The following PCDHA2 variants were observed in gnomAD, a reference collection of about 807,000 sequenced individuals.
The protein encoded by PCDHA2 is protocadherin alpha-2.
Under a neutral mutation model 66.0 loss-of-function variants are expected in PCDHA2, and 58 were observed. The observed-to-expected ratio is 0.88, with a 90% CI of 0.71 to 1.09. The LOEUF is 1.09. Among genes scored for constraint, PCDHA2 ranks in the 50% least tolerant of loss-of-function variants. PCDHA2 has a pLI of 0.00. For synonymous variants in PCDHA2, 634 were observed against 554.0 expected (o/e 1.14, Z -2.03); for missense variants, 1,267 against 1,242.3 (o/e 1.02, Z -0.30).
intron 1 of PCDHA2, chr5:140,882,780 G>T: frequency 1.2e-6 from 2 of 1,614,160 alleles, no homozygotes; most frequent in Non-Finnish European, 1.7e-6. Context: ...TTGACCTACC[G>T]ACTGGATCCC....
At chr5:140,988,556 C>A (rs574182013) in intron 3 of PCDHA2, among the ~76,000 whole-genome samples, 1 of 152,158 alleles carries the variant, frequency 6.6e-6, no homozygotes, top group South Asian at 2.1e-4. Flanking sequence ...TCTTCATCTT[C>A]TTCTTGGGAA....
At chr5:140,846,406 G>A (rs1191758509) in intron 1 of PCDHA2, among the ~76,000 whole-genome samples, 1 of 111,134 alleles carries the variant, frequency 9.0e-6, no homozygotes, top group Non-Finnish European at 1.7e-5. Flanking sequence ...ACGGAGTCTC[G>A]CTCTATCTCC....
At chr5:140,813,879 G>A (rs1765395294) in intron 1 of PCDHA2, 1 of 152,278 alleles carries the variant, frequency 6.6e-6, no homozygotes, top group South Asian at 2.1e-4. Context: ...CACACTTGTA[G>A]TTCCAGCTAC....
At chr5:140,850,501 T>C (rs2150486644) in intron 1 of PCDHA2, 1 of 1,598,068 alleles carries the variant, frequency 6.3e-7, no homozygotes, top group African/African-American at 1.3e-5. Context: ...CTGGTGTCGC[T>C]GGTGGAGAGC....
At chr5:140,954,864 G>A (rs2095103058) in intron 1 of PCDHA2, among the ~76,000 whole-genome samples, 1 of 152,074 alleles carries the variant, frequency 6.6e-6, no homozygotes, top group Admixed American at 6.5e-5. Context: ...TGTCCTGAAT[G>A]GTATTGCCTA....
chr5:140,818,407 T>C (rs1766349391), intron 1 of PCDHA2, among the ~76,000 whole-genome samples: 1 of 152,252 alleles, frequency 6.6e-6, no homozygotes, highest in African/African-American at 2.4e-5. Context: ...AATTTTATTT[T>C]CCTTTTTAAA....
chr5:140,874,167 T>C lies in PCDHA2; in HGVS notation c.2388+76815T>C, dbSNP rs910574514. On this transcript the variant is annotated intron_variant, in intron 1 of 3. Coordinates refer to ENST00000526136, the MANE Select transcript of PCDHA2 (RefSeq NM_018905.3). ...TGTAGAGCCATTCTTGGTTACTCTTTCCTGGTGTTGTAAAGGTGTCATATT... is the reference window on the plus strand; with the variant it reads ...TGTAGAGCCATTCTTGGTTACTCTTCCCTGGTGTTGTAAAGGTGTCATATT... 4.6e-5 allele frequency among the ~76,000 whole-genome samples: 7 copies of C among 152,340 alleles called. No homozygotes were observed. The East Asian group carries it at 1.2e-3, about 25-fold the overall frequency.
intron 3 of PCDHA2, among the ~76,000 whole-genome samples, chr5:141,006,808 A>T (rs576819521): frequency 1.3e-5 from 2 of 152,322 alleles, no homozygotes; most frequent in East Asian, 3.9e-4. Flanking sequence ...TTCTGGCTTG[A>T]GAAATGGGGT....
intron 1 of PCDHA2, among the ~76,000 whole-genome samples, chr5:140,893,800 T>C (rs1483033571): frequency 6.6e-6 from 1 of 152,174 alleles, no homozygotes; most frequent in Non-Finnish European, 1.5e-5. Flanking sequence ...ATTCCCTCCT[T>C]GTCTTGAGTC....
chr5:140,943,617 T>A (rs2093532711), intron 1 of PCDHA2, among the ~76,000 whole-genome samples: 1 of 152,208 alleles, frequency 6.6e-6, no homozygotes, highest in Non-Finnish European at 1.5e-5. Context: ...TTGATTCATC[T>A]GCATAAGGAA....
At chr5:140,843,158 C>T in intron 1 of PCDHA2, 1 of 1,596,142 alleles carries the variant, frequency 6.3e-7, no homozygotes, top group Non-Finnish European at 8.6e-7. Flanking sequence ...TGAGCTGCAG[C>T]CAGCTGCAAG....
intron 1 of PCDHA2, chr5:140,822,693 A>C: frequency 6.2e-7 from 1 of 1,609,820 alleles, no homozygotes; most frequent in Non-Finnish European, 8.5e-7. Flanking sequence ...TTAACGGGGA[A>C]CTGGATTATG....
At chr5:140,949,474 G>T (rs2094384891) in intron 1 of PCDHA2, among the ~76,000 whole-genome samples, 1 of 151,524 alleles carries the variant, frequency 6.6e-6, no homozygotes, top group Admixed American at 6.6e-5. Flanking sequence ...CTGTTATTAG[G>T]CACACACATT....
intron 1 of PCDHA2, chr5:140,857,075 A>G: frequency 6.3e-7 from 1 of 1,597,052 alleles, no homozygotes; most frequent in African/African-American, 1.3e-5. Context: ...ACTGGATGAA[A>G]ATGATAATTC....
rs1777075612 is a variant in PCDHA2 at position 140,841,185 on chromosome 5, G to A, written c.2388+43833G>A. The A allele has an allele frequency of 5.9e-6, 7 of 1,192,098 alleles. No homozygotes were observed. In the Admixed American group the frequency reaches 1.3e-4, roughly 22 times the overall value. The allele number at this position is 1,192,098 out of a possible 1,614,324, so 73.8% of individuals were successfully genotyped here. A position where few individuals can be genotyped will look rare whatever the true frequency, so the allele number is the denominator to read the frequency against. Reference sequence around the variant, plus strand: ...AAGTTCTGGTTGGTCAATGTTCAAAGTCTTTTCTCTGACAGCATCTGTCTC... The same window carrying A: ...AAGTTCTGGTTGGTCAATGTTCAAAATCTTTTCTCTGACAGCATCTGTCTC... On this transcript the variant is annotated intron_variant, in intron 1 of 3. Coordinates refer to ENST00000526136, the MANE Select transcript of PCDHA2 (RefSeq NM_018905.3).
intron 1 of PCDHA2, chr5:140,829,779 C>A (rs2150174490): frequency 6.2e-7 from 1 of 1,613,790 alleles, no homozygotes; most frequent in South Asian, 1.1e-5. Context: ...GACAACGCGC[C>A]GGCGCTGCTG....
At chr5:140,927,581 C>T (rs1554204769) in intron 1 of PCDHA2, 1 of 1,614,150 alleles carries the variant, frequency 6.2e-7, no homozygotes, top group East Asian at 2.2e-5. Context: ...AATGACAACG[C>T]GCCTGTATTT....
chr5:140,915,771 G>T (rs1351294387), intron 1 of PCDHA2, among the ~76,000 whole-genome samples: 1 of 151,922 alleles, frequency 6.6e-6, no homozygotes, highest in Non-Finnish European at 1.5e-5. Flanking sequence ...TCTTGTCCAA[G>T]GCCTGCTGTA....
In PCDHA2 at chr5:140,823,478, G is replaced by T. The variant is rs2150126228; in HGVS notation, c.2388+26126G>T. ...AACGCGCCGGCGCTGCTGGTGCCTC[G>T]AGTGGGTGGCACCGGCGGCGCAGTG... On this transcript the variant is annotated intron_variant, in intron 1 of 3. Transcript: ENST00000526136. The T allele has an allele frequency of 3.1e-6, 5 of 1,613,472 alleles. No individual in the cohort carries two copies. In the East Asian group the frequency reaches 8.9e-5, roughly 29 times the overall value.
Sources: gnomAD v4.1 joint callset for allele counts (sites outside exome capture counted in the v4.1 genomes callset) on GRCh38, gnomAD v4.1.1 for gene constraint, MANE v1.5 for transcripts, NCBI Gene and HGNC (gene_info 2026-07-23, HGNC 2026-07-21) for gene names.